KAZN: variants seen among roughly 807,000 people sequenced by gnomAD.
The protein encoded by KAZN is kazrin.
Under a neutral mutation model 87.4 loss-of-function variants are expected in KAZN, and 40 were observed. The observed-to-expected ratio is 0.46, with a 90% confidence interval of 0.36 to 0.60. KAZN has a LOEUF of 0.60. Among genes scored for constraint, KAZN ranks in the 20% least tolerant of loss-of-function variants. The pLI is 0.00. For synonymous variants in KAZN, 466 were observed against 458.3 expected, an observed-to-expected ratio of 1.02 and a Z score of -0.22; for missense variants, 898 against 1,073.9, an observed-to-expected ratio of 0.84 and a Z score of 2.29.
intron 1 of KAZN, among the ~76,000 whole-genome samples, chr1:14,142,344 T>G (rs564035943): frequency 6.6e-6 from 1 of 152,326 alleles, no homozygotes; most frequent in African/African-American, 2.4e-5. Flanking sequence ...TAAAAATGTC[T>G]TAGCTTTTAG....
intron 2 of KAZN, among the ~76,000 whole-genome samples, chr1:14,417,197 G>A (rs1383360851): frequency 2.0e-5 from 3 of 150,132 alleles, no homozygotes; most frequent in Non-Finnish European, 4.4e-5. Context: ...AAAAAAAAAG[G>A]AAAAAACAAA....
At chr1:13,927,393 C>T (rs555416466) in intron 1 of KAZN, among the ~76,000 whole-genome samples, 1 of 152,312 alleles carries the variant, frequency 6.6e-6, no homozygotes, top group Non-Finnish European at 1.5e-5. Context: ...GAGCTGTTTA[C>T]AGACACCTAA....
At chr1:14,085,872 A>G (rs1229639231) in intron 1 of KAZN, among the ~76,000 whole-genome samples, 1 of 152,178 alleles carries the variant, frequency 6.6e-6, no homozygotes. Context: ...ATTCTCTCTC[A>G]GCAATATATG....
chr1:14,930,009 G>C, intron 1 of KAZN: 1 of 985,616 alleles, frequency 1.0e-6, no homozygotes, highest in South Asian at 4.7e-5. Context: ...GTGGCACCCA[G>C]TTTGGAGGAA....
At chr1:14,650,309 C>T (rs1638279832) in intron 1 of KAZN, among the ~76,000 whole-genome samples, 1 of 152,144 alleles carries the variant, frequency 6.6e-6, no homozygotes, top group South Asian at 2.1e-4. Context: ...AATCCCAGCA[C>T]TTTGGCAACC....
intron 2 of KAZN, among the ~76,000 whole-genome samples, chr1:14,307,093 G>A (rs1654981923): frequency 6.6e-6 from 1 of 152,130 alleles, no homozygotes; most frequent in Non-Finnish European, 1.5e-5. Context: ...CACAGAGGGG[G>A]ATTTCATAAA....
At chr1:14,461,530 T>C (rs1667851315) in intron 2 of KAZN, among the ~76,000 whole-genome samples, 1 of 152,202 alleles carries the variant, frequency 6.6e-6, no homozygotes. Flanking sequence ...TTTTTCTTTA[T>C]AAATTACCCA....
chr1:14,221,244 A>C (rs1447426745), intron 2 of KAZN, among the ~76,000 whole-genome samples: 1 of 152,128 alleles, frequency 6.6e-6, no homozygotes, highest in Non-Finnish European at 1.5e-5. Flanking sequence ...CTTGACCTTC[A>C]CAACTATATT....
At chr1:14,724,028 G>A (rs4661517) in intron 1 of KAZN, among the ~76,000 whole-genome samples, 107,054 of 152,108 alleles carry the variant, frequency 0.7, 38,111 homozygotes, top group African/African-American at 0.8. Flanking sequence ...TTCTGCATTC[G>A]TTGATTTATT....
intron 2 of KAZN, among the ~76,000 whole-genome samples, chr1:14,451,104 C>T (rs4460631): frequency 0.024 from 3,602 of 152,250 alleles, 53 homozygotes; most frequent in Middle Eastern, 0.065. Context: ...TGAGCAGATG[C>T]TGGCACCATG....
chr1:14,709,181 G>A (rs1381447330), intron 1 of KAZN, among the ~76,000 whole-genome samples: 2 of 152,150 alleles, frequency 1.3e-5, no homozygotes, highest in African/African-American at 2.4e-5. Flanking sequence ...TTTCCCCAAA[G>A]GCACACACCA....
In KAZN at chr1:14,089,861, C is replaced by G. The variant is rs182131398; in HGVS notation, c.92-90574C>G. ...CAGCATTTGCTTGGCTGAAAAAGAC[C>G]CTTTCTCACCATTATTTAAAAAATA... On this transcript the variant is annotated intron_variant, in intron 1 of 16. Coordinates refer to the KAZN transcript ENST00000636203. 5.5e-4 allele frequency among the ~76,000 whole-genome samples: 83 copies of G among 152,148 alleles called. 2 individuals are homozygous for G. The East Asian group carries it at 8.1e-3, about 15-fold the overall frequency.
chr1:14,619,812 C>T (rs1224338333), intron 1 of KAZN, among the ~76,000 whole-genome samples: 1 of 152,240 alleles, frequency 6.6e-6, no homozygotes, highest in Non-Finnish European at 1.5e-5. Flanking sequence ...TGACTGTCTT[C>T]TTTCACTTAG....
At chr1:14,792,197 A>G (rs1029996023) in intron 1 of KAZN, among the ~76,000 whole-genome samples, 12 of 152,184 alleles carry the variant, frequency 7.9e-5, no homozygotes, top group African/African-American at 2.4e-4. Flanking sequence ...CTGAGCATCT[A>G]CTGTTTGCCA....
intron 3 of KAZN, among the ~76,000 whole-genome samples, chr1:15,042,453 G>A (rs992051141): frequency 1.3e-5 from 2 of 152,202 alleles, no homozygotes; most frequent in Non-Finnish European, 2.9e-5. Flanking sequence ...GGTCAGGGAA[G>A]GCTTCTCAGA....
At chr1:14,566,519 C>A (rs553522140) in intron 2 of KAZN, among the ~76,000 whole-genome samples, 1 of 152,200 alleles carries the variant, frequency 6.6e-6, no homozygotes, top group Non-Finnish European at 1.5e-5. Flanking sequence ...AGAGAGTCAG[C>A]CTGTCCTTTG....
chr1:14,730,436 C>T (rs1002840149), intron 1 of KAZN, among the ~76,000 whole-genome samples: 4 of 152,200 alleles, frequency 2.6e-5, no homozygotes, highest in African/African-American at 9.6e-5. Context: ...GGGCTGCCTT[C>T]TTACCACATG....
In KAZN at chr1:15,077,082, G is replaced by T. The variant is rs186899923; in HGVS notation, c.1222+11329G>T. Among the ~76,000 whole-genome samples, 1 of 152,236 alleles carries T rather than the reference G, an allele frequency of 6.6e-6. No individual in the cohort carries two copies. Among genetic ancestry groups the T allele is most frequent in the Admixed American group, 6.5e-5 (1 of 15,286 alleles). ...GGCTGCTCGGAGCAATGCCAGCCTG[G>T]TGTTTCCAGAGCTCCAGATCTTCTA... On this transcript the variant is annotated intron_variant, in intron 8 of 14. Coordinates refer to ENST00000376030, the MANE Select transcript of KAZN (RefSeq NM_201628.3). This position sits in a 1 kb window ranked among gnomAD's most constrained non-coding sequence, Gnocchi z 4.8.
intron 2 of KAZN, among the ~76,000 whole-genome samples, chr1:14,544,350 C>CTGTT (rs1672998183): frequency 1.0e-5 from 1 of 98,120 alleles, no homozygotes; most frequent in Admixed American, 1.4e-4. Flanking sequence ...TTCTTTCTTT[C>CTGTT]TTTTTTTTTT....
Sources: allele counts gnomAD v4.1 joint callset (sites outside exome capture counted in the v4.1 genomes callset), GRCh38; gene constraint gnomAD v4.1.1; non-coding constraint Gnocchi (gnomAD v3.1); transcripts MANE v1.5; gene names NCBI Gene and HGNC (gene_info 2026-07-23, HGNC 2026-07-21).